The following NID1 variants were observed in gnomAD, a reference collection of about 807,000 sequenced individuals.
NID1 encodes the protein nidogen-1.
NID1 carries 76 observed loss-of-function variants against 130.6 expected under a neutral mutation model. That is an observed-to-expected ratio of 0.58 (90% CI 0.48 to 0.70). The LOEUF (loss-of-function observed/expected upper bound fraction) is 0.70. Among genes scored for constraint, NID1 ranks in the 30% least tolerant of loss-of-function variants. NID1 has a pLI of 0.00. For synonymous variants in NID1, 665 were observed against 675.1 expected, an observed-to-expected ratio of 0.98 and a Z score of 0.23; for missense variants, 1,517 against 1,664.8, an observed-to-expected ratio of 0.91 and a Z score of 1.54.
At chr1:236,018,351 G>A (rs890836945) in intron 9 of NID1, among the ~76,000 whole-genome samples, 3 of 152,198 alleles carry the variant, frequency 2.0e-5, no homozygotes, top group Admixed American at 6.5e-5. Context: ...GAAAATGGAT[G>A]GAGGTCAGAG....
At chr1:236,032,368 G>A in intron 6 of NID1, 33 bp downstream of exon 6, 1 of 1,607,522 alleles carries the variant, frequency 6.2e-7, no homozygotes, top group Non-Finnish European at 8.5e-7. Context: ...ACTACTGTGT[G>A]ACCCACTAAT....
At chr1:236,063,172 A>C (rs1368142940) in intron 1 of NID1, among the ~76,000 whole-genome samples, 1 of 148,654 alleles carries the variant, frequency 6.7e-6, no homozygotes, top group South Asian at 2.2e-4. Context: ...AAAAAAAAAA[A>C]AAAGTAAGCA....
chr1:235,986,302 A>G (rs1243330048), intron 14 of NID1, among the ~76,000 whole-genome samples: 1 of 152,190 alleles, frequency 6.6e-6, no homozygotes, highest in African/African-American at 2.4e-5. Flanking sequence ...GTAGAAAGTC[A>G]TGGGGAATCT....
At position 235,977,527 on chromosome 1, in the gene NID1, T is replaced by G. The variant is rs1413227660; in HGVS notation, c.*340A>C. On this transcript the variant is annotated 3_prime_UTR_variant, in exon 20 of 20. Transcript: ENST00000264187. ...CCACAGGGAAGGGTGCAACTCAAAT[T>G]TGGGAGGTTCTGTTCACCACTGGGG... The G allele has an allele frequency of 5.1e-6, 1 of 196,922 alleles. No homozygotes were observed. The highest frequency in any genetic ancestry group is 2.3e-5 in the African/African-American group (1 of 42,964). The allele number at this position is 196,922 out of a possible 1,614,324, so 12.2% of individuals were successfully genotyped here. A position where few individuals can be genotyped will look rare whatever the true frequency, so the allele number is the denominator to read the frequency against.
rs200589423 is a variant in NID1, at chr1:236,048,711, C to T, written c.504G>A (p.Arg168=). 2 of 1,611,328 alleles carry T rather than the reference C, an allele frequency of 1.2e-6. No individual in the cohort carries two copies. The highest frequency in any genetic ancestry group is 2.2e-5 in the East Asian group (1 of 44,876). Residue 168 remains arginine, a synonymous_variant, in exon 2 of 20, where the codon AGG becomes AGA. Coordinates refer to ENST00000264187, the MANE Select transcript of NID1 (RefSeq NM_002508.3). ...ESVAPYQGPS[R]DPDQKGKRNT... Reference sequence around the variant, plus strand: ...TTACCTTGCCTTTCTGGTCTGGGTCCCTGCTGGGCCCTTGGTAGGGGGCCA... The same window carrying T: ...TTACCTTGCCTTTCTGGTCTGGGTCTCTGCTGGGCCCTTGGTAGGGGGCCA...
In NID1 at chr1:236,029,177, C is replaced by CA. The variant is rs9287272; in HGVS notation, c.1738+372dup. Among the ~76,000 whole-genome samples the CA allele has an allele frequency of 5.3e-3, 701 of 132,574 alleles. 2 individuals are homozygous for CA. The highest frequency in any genetic ancestry group is 0.012 in the African/African-American group (451 of 38,314). 87.0% of individuals were successfully genotyped at this position (132,574 alleles called of 152,430 possible). A position where few individuals can be genotyped will look rare whatever the true frequency, so the allele number is the denominator to read the frequency against. On this transcript the variant is annotated intron_variant, in intron 7 of 19. Transcript: ENST00000264187. ...GGGCAACAGGAGTGAAACCCTGTCTCAAAAAAAAAAAAAAGTACAAATAGA... is the reference window on the plus strand; with the variant it reads ...GGGCAACAGGAGTGAAACCCTGTCTCAAAAAAAAAAAAAAAGTACAAATAGA...
chr1:236,024,093 C>T lies in NID1; in HGVS notation c.2105G>A (p.Arg702Gln), dbSNP rs149309893. 282 of 1,614,198 alleles carry T rather than the reference C, an allele frequency of 1.7e-4. 1 individual carries two copies. The highest frequency in any genetic ancestry group is 8.5e-4 in the African/African-American group (64 of 75,056). Residue 702 changes from arginine (R) to glutamine (Q), a missense_variant, in exon 9 of 20, where the codon CGA becomes CAA. Physicochemically the swap from Arg to Gln is conservative, Grantham distance 43. Around this residue, in one of 3 missense-constraint regions of NID1, gnomAD observed 1,329 missense variants for 1,429.2 expected, o/e 0.93. Transcript: ENST00000264187. ...ACCATAGCAGGTTCGCCCGTCTCCT[C>T]GGAAGCCGATGGAGCACTCGCAGGT... Reference protein sequence around the residue: ...QFTCECSIGFRGDGRTCYDID... With the variant: ...QFTCECSIGFQGDGRTCYDID...
In NID1 at chr1:236,011,961, T is replaced by C; in HGVS notation, c.2487A>G (p.Lys829=). The C allele has an allele frequency of 6.2e-7, 1 of 1,614,158 alleles. No homozygotes were observed. The highest frequency in any genetic ancestry group is 8.5e-7 in the Non-Finnish European group (1 of 1,180,030). The change falls in exon 12 of 20, where the codon AAA becomes AAG. Residue 829 remains lysine (K), a synonymous_variant. Coordinates refer to ENST00000264187, the MANE Select transcript of NID1 (RefSeq NM_002508.3). ...NTPGSFTCQC[K]PGYQGDGFRC... is the part of the protein sequence containing the mutation. ...GGAAGCCGTCTCCCTGATAACCAGG[T>C]TTGCACTGGCACGTGAAAGAGCCTG... is the stretch of plus-strand genomic sequence containing the variant.
chr1:235,993,555 C>A, intron 13 of NID1, 90 bp downstream of exon 13: 1 of 1,211,348 alleles, frequency 8.3e-7, no homozygotes, highest in Non-Finnish European at 1.1e-6. Context: ...AGCTTTAGGT[C>A]CAGCAGAAGA....
At chr1:236,034,139 G>A (rs1659177117) in intron 5 of NID1, among the ~76,000 whole-genome samples, 1 of 152,140 alleles carries the variant, frequency 6.6e-6, no homozygotes, top group Non-Finnish European at 1.5e-5. Context: ...AAAGGCATGA[G>A]GCTGGGCCTG....
At chr1:236,023,627 T>A (rs2102824725) in intron 9 of NID1, among the ~76,000 whole-genome samples, 1 of 133,840 alleles carries the variant, frequency 7.5e-6, no homozygotes, top group African/African-American at 3.0e-5. Flanking sequence ...ATGTATATTT[T>A]ACCGCAAACA....
rs1402746825 is a variant in NID1, at chr1:235,979,510, T to TG, written c.3509+311dup. Among the ~76,000 whole-genome samples, 2 of 152,344 alleles carry TG rather than the reference T, an allele frequency of 1.3e-5. No individual in the cohort carries two copies. The highest frequency in any genetic ancestry group is 6.5e-5 in the Admixed American group (1 of 15,300). ...ATGGAGCCCACCGGCCACGTGACCC[T>TG]GGGCCAACTCCTGGGGAAAGAACAG... On this transcript the variant is annotated intron_variant, in intron 18 of 19. Coordinates refer to ENST00000264187, the MANE Select transcript of NID1 (RefSeq NM_002508.3). The surrounding 1 kb of genome is among the most constrained non-coding windows in gnomAD (Gnocchi z 4.6).
intron 13 of NID1, among the ~76,000 whole-genome samples, 160 bp downstream of exon 13, chr1:235,993,481 GGTAA>G (rs1220346720): frequency 1.3e-5 from 2 of 152,216 alleles, no homozygotes; most frequent in African/African-American, 4.8e-5. Flanking sequence ...GGAGGAGCGG[GGTAA>G]GTGAGAGGGA....
chr1:235,977,902 T>A lies in NID1; in HGVS notation c.3709A>T (p.Asn1237Tyr). 6.2e-7 allele frequency: 1 copy of A among 1,614,192 alleles called. No homozygotes were observed. Among genetic ancestry groups the A allele is most frequent in the Non-Finnish European group, 8.5e-7 (1 of 1,180,018 alleles). The change falls in exon 20 of 20, where the codon AAC becomes TAC. Residue 1237 changes from asparagine to tyrosine, a missense_variant. Physicochemically the swap from Asn to Tyr is moderately radical, Grantham distance 143. Around this residue, in one of 3 missense-constraint regions of NID1, gnomAD observed 181 missense variants for 211.3 expected, o/e 0.86. Transcript: ENST00000264187. ...TCGATACAGTCAACTCCCAAGGTGT[T>A]GTCAGGGCAACGGCAGGTCCTGCTC... ...PGSRTCRCPDNTLGVDCIEQK is the reference protein window; with the variant it reads ...PGSRTCRCPDYTLGVDCIEQK
In NID1 at chr1:236,032,593, C is replaced by T. The variant is rs769423754; in HGVS notation, c.1345G>A (p.Val449Ile). The T allele has an allele frequency of 3.1e-6, 5 of 1,613,980 alleles. No homozygotes were observed. The highest frequency in any genetic ancestry group is 4.2e-6 in the Non-Finnish European group (5 of 1,180,024). The change falls in exon 6 of 20, where the codon GTC becomes ATC. Residue 449 changes from valine (V) to isoleucine (I), a missense_variant. By Grantham distance (29) the Val-to-Ile change is conservative. This residue lies in a region of NID1 where 1,329 missense variants were observed against 1,429.2 expected (regional missense o/e 0.93). Transcript: ENST00000264187. ...TCAGTGTTCTCAAAGACAATGGGGA[C>T]CTGGCTGCTCCCCACAAAGATCCTT... The part of the protein sequence containing the change: ...KGRIFVGSSQ[V>I]PIVFENTDLH...
chr1:236,020,392 G>T (rs184452841), intron 9 of NID1, among the ~76,000 whole-genome samples: 1 of 152,226 alleles, frequency 6.6e-6, no homozygotes, highest in Admixed American at 6.5e-5. Flanking sequence ...TAGAGGAGAA[G>T]AGTCTCATTA....
intron 1 of NID1, among the ~76,000 whole-genome samples, chr1:236,054,420 C>T (rs1220535010): frequency 6.6e-6 from 1 of 152,078 alleles, no homozygotes; most frequent in Non-Finnish European, 1.5e-5. Context: ...TGCGTCATTG[C>T]ACTCCATACT....
chr1:236,063,483 T>A (rs2145431), intron 1 of NID1, among the ~76,000 whole-genome samples: 55,746 of 133,676 alleles, frequency 0.42, 12,191 homozygotes, highest in Middle Eastern at 0.52. Flanking sequence ...AAAAAAAAAA[T>A]AAATAAATAA....
In NID1 at chr1:236,013,549, G is replaced by A; in HGVS notation, c.2266C>T (p.Gln756Ter). 1 of 1,614,146 alleles carries A rather than the reference G, an allele frequency of 6.2e-7. No individual in the cohort carries two copies. The highest frequency in any genetic ancestry group is 8.5e-7 in the Non-Finnish European group (1 of 1,180,026). The change falls in exon 11 of 20, where the codon CAG becomes TAG. Residue 756 changes from glutamine (Q) to a stop codon, truncating the protein, a stop_gained. Transcript: ENST00000264187. LOFTEE classifies it high-confidence loss of function. ...GTTTCACAGTAGTTGATGGGGCGCTGGTCCACGACAGCTTCAGAACAAAAG... is the reference window on the plus strand; with the variant it reads ...GTTTCACAGTAGTTGATGGGGCGCTAGTCCACGACAGCTTCAGAACAAAAG... ...DEGTCVAVVD[Q>*]RPINYCETGL...
Sources: gnomAD v4.1 joint callset for allele counts (sites outside exome capture counted in the v4.1 genomes callset) on GRCh38, gnomAD v4.1.1 for gene constraint, gnomAD v4.1.1 regional missense constraint, Gnocchi (gnomAD v3.1) non-coding constraint, MANE v1.5 for transcripts, NCBI Gene and HGNC (gene_info 2026-07-23, HGNC 2026-07-21) for gene names.